The following CPT1A variants were observed in gnomAD, a reference collection of about 807,000 sequenced individuals.
The protein encoded by CPT1A is carnitine O-palmitoyltransferase 1, liver isoform.
Under a neutral mutation model 100.8 loss-of-function variants are expected in CPT1A, and 64 were observed. The observed-to-expected ratio is 0.63, with a 90% CI of 0.52 to 0.78. CPT1A has a LOEUF of 0.78. Among genes scored for constraint, CPT1A ranks in the 30% least tolerant of loss-of-function variants. The pLI is 0.00. For missense variants in CPT1A, 802 were observed against 1,034.1 expected (o/e 0.78, Z 3.08); for synonymous variants, 363 against 396.0 (o/e 0.92, Z 0.99).
intron 1 of CPT1A, among the ~76,000 whole-genome samples, chr11:68,818,148 C>A (rs1366892908): frequency 6.6e-6 from 1 of 152,026 alleles, no homozygotes; most frequent in Admixed American, 6.6e-5. Context: ...ATGGGCCTGG[C>A]CCACTCTGTC....
chr11:68,758,409 T>C (rs1946735065), intron 18 of CPT1A, among the ~76,000 whole-genome samples: 1 of 152,168 alleles, frequency 6.6e-6, no homozygotes, highest in African/African-American at 2.4e-5. Flanking sequence ...CAATGTGCCA[T>C]GCTAGGGAGG....
intron 14 of CPT1A, among the ~76,000 whole-genome samples, chr11:68,766,219 C>T (rs1338369939): frequency 1.3e-5 from 2 of 151,862 alleles, no homozygotes; most frequent in Admixed American, 6.6e-5. Context: ...CAATATAACA[C>T]AAGGTTATAT....
At chr11:68,830,329 C>T (rs535722073) in intron 1 of CPT1A, among the ~76,000 whole-genome samples, 19 of 152,186 alleles carry the variant, frequency 1.2e-4, no homozygotes, top group African/African-American at 4.1e-4. Flanking sequence ...GGGTGGAGAT[C>T]GCCCACCTGG....
chr11:68,762,685 C>T lies in CPT1A; in HGVS notation c.1817G>A (p.Arg606His), dbSNP rs778829699. Residue 606 changes from arginine to histidine, a missense_variant, in exon 15 of 19, where the codon CGC becomes CAC. Physicochemically the swap from Arg to His is conservative, Grantham distance 29. Coordinates refer to ENST00000265641, the MANE Select transcript of CPT1A (RefSeq NM_001876.4). ...LFREGRTETV[R>H]SCTTESCDFV... ...GTCGCATGACTCAGTGGTGCAGGAG[C>T]GCACGGTCTCCGTCCTCCCCTCTCG... 1.2e-5 allele frequency: 19 copies of T among 1,613,886 alleles called. No homozygotes were observed. The highest frequency in any genetic ancestry group is 2.7e-5 in the African/African-American group (2 of 74,928).
At chr11:68,793,917 C>T (rs2153999673) in intron 8 of CPT1A, among the ~76,000 whole-genome samples, 1 of 152,254 alleles carries the variant, frequency 6.6e-6, no homozygotes, top group South Asian at 2.1e-4. Context: ...GGTGCAACTT[C>T]CTGCACAGTT....
intron 1 of CPT1A, among the ~76,000 whole-genome samples, chr11:68,818,410 C>T (rs1429527508): frequency 3.9e-5 from 6 of 152,274 alleles, no homozygotes; most frequent in Admixed American, 6.5e-5. Flanking sequence ...TGCCCCACAT[C>T]GCCAGAGCAA....
intron 1 of CPT1A, among the ~76,000 whole-genome samples, chr11:68,823,705 C>T (rs1856646713): frequency 6.6e-6 from 1 of 152,042 alleles, no homozygotes; most frequent in Admixed American, 6.6e-5. Context: ...AGGAGAATCA[C>T]TTGAACCCAG....
rs191107774 is a variant in CPT1A at position 68,812,436 on chromosome 11, C to T, written c.281+1G>A. Reference sequence around the variant, plus strand: ...ATTGGAGATTTCACAGGATTACTTACGCCGTTTCCAGAGTCCGATTGATTT... The same window carrying T: ...ATTGGAGATTTCACAGGATTACTTATGCCGTTTCCAGAGTCCGATTGATTT... On this transcript the variant is annotated splice_donor_variant, in intron 3 of 18. Transcript: ENST00000265641. LOFTEE classifies it high-confidence loss of function. 3.1e-6 allele frequency: 5 copies of T among 1,614,228 alleles called. No homozygotes were observed. The highest frequency in any genetic ancestry group is 4.5e-5 in the East Asian group (2 of 44,886).
chr11:68,779,835 G>A (rs1855257324), intron 12 of CPT1A, among the ~76,000 whole-genome samples: 1 of 150,648 alleles, frequency 6.6e-6, no homozygotes, highest in South Asian at 2.1e-4. Context: ...CCAATCCACA[G>A]GTGCAGGCAG....
intron 14 of CPT1A, among the ~76,000 whole-genome samples, chr11:68,771,264 T>C (rs1409564999): frequency 6.6e-6 from 1 of 152,210 alleles, no homozygotes; most frequent in Non-Finnish European, 1.5e-5. Flanking sequence ...TTTCAGCATG[T>C]TTCAAAATGT....
At position 68,757,495 on chromosome 11, in the gene CPT1A, G is replaced by C; in HGVS notation, c.*149C>G. On this transcript the variant is annotated 3_prime_UTR_variant, in exon 19 of 19. Transcript: ENST00000265641. ...TTCACAGGGGAGAGATACTGTTCTA[G>C]GAAAAAAAAACACCCACATTTTCTG... is the stretch of plus-strand genomic sequence containing the variant. 6.6e-7 allele frequency: 1 copy of C among 1,521,684 alleles called. No homozygotes were observed. Among genetic ancestry groups the C allele is most frequent in the Non-Finnish European group, 8.8e-7 (1 of 1,138,672 alleles). 94.3% of individuals were successfully genotyped at this position (1,521,684 alleles called of 1,614,324 possible). A position where few individuals can be genotyped will look rare whatever the true frequency, so the allele number is the denominator to read the frequency against.
intron 14 of CPT1A, among the ~76,000 whole-genome samples, chr11:68,767,450 C>T (rs1854840470): frequency 6.6e-6 from 1 of 152,082 alleles, no homozygotes; most frequent in Non-Finnish European, 1.5e-5. Flanking sequence ...TTAGACGGGC[C>T]TGGTGGTAAA....
intron 1 of CPT1A, among the ~76,000 whole-genome samples, chr11:68,837,643 C>T (rs112395418): frequency 6.6e-6 from 1 of 152,196 alleles, no homozygotes; most frequent in African/African-American, 2.4e-5. Context: ...AATAACAGTG[C>T]CCCTCGTCAG....
At chr11:68,803,875 C>T in intron 5 of CPT1A, 125 bp downstream of exon 5, 1 of 738,980 alleles carries the variant, frequency 1.4e-6, no homozygotes, top group South Asian at 1.5e-5. Flanking sequence ...CTATGAGAAC[C>T]CTACCAGGCA....
In CPT1A at chr11:68,812,416, A is replaced by C. The variant is rs760073638; in HGVS notation, c.281+21T>G. ...AATCGGTAACTTCCCAGACAATTGG[A>C]GATTTCACAGGATTACTTACGCCGT... On this transcript the variant is annotated intron_variant, in intron 3 of 18. Transcript: ENST00000265641. 11 of 1,613,954 alleles carry C rather than the reference A, an allele frequency of 6.8e-6. No individual in the cohort carries two copies. The African/African-American group carries it at 1.3e-4, about 20-fold the overall frequency.
At chr11:68,773,698 G>C in intron 13 of CPT1A, 1 of 443,262 alleles carries the variant, frequency 2.3e-6, no homozygotes, top group South Asian at 2.1e-5. Flanking sequence ...AATATCACGC[G>C]ACCATCAGTG....
intron 3 of CPT1A, among the ~76,000 whole-genome samples, chr11:68,809,556 C>A (rs1856141371): frequency 6.6e-6 from 1 of 152,058 alleles, no homozygotes; most frequent in South Asian, 2.1e-4. Context: ...TGATCTTGAA[C>A]TCCTGGGCTC....
chr11:68,762,027 G>A (rs193239618), intron 15 of CPT1A, among the ~76,000 whole-genome samples: 4 of 152,358 alleles, frequency 2.6e-5, no homozygotes, highest in Non-Finnish European at 2.9e-5. Context: ...GCACCTGCAC[G>A]CTGGAGTCAG....
chr11:68,803,842 GAGA>G (rs1006497884), intron 5 of CPT1A, among the ~76,000 whole-genome samples, 155 bp downstream of exon 5: 4 of 123,982 alleles, frequency 3.2e-5, no homozygotes, highest in Middle Eastern at 4.1e-3. Flanking sequence ...TGATGCATTG[GAGA>G]AAAAAAAAAA....
Sources: gnomAD v4.1 joint callset for allele counts (sites outside exome capture counted in the v4.1 genomes callset) on GRCh38, gnomAD v4.1.1 for gene constraint, MANE v1.5 for transcripts, NCBI Gene and HGNC (gene_info 2026-07-23, HGNC 2026-07-21) for gene names.